Variants in LYSMD3 observed in about 807,000 individuals in gnomAD.
LYSMD3 encodes the protein LysM domain containing 3.
In LYSMD3, 13 loss-of-function variants were observed where a neutral mutation model predicts 26.1. That is an observed-to-expected ratio of 0.50 (90% CI 0.32 to 0.79). The LOEUF (loss-of-function observed/expected upper bound fraction) is 0.79, where lower values mean the gene tolerates loss of function less well. LYSMD3 is among the 30% of genes least tolerant of loss of function. LYSMD3 has a pLI of 0.03. For synonymous variants in LYSMD3, 109 were observed against 119.4 expected (o/e 0.91, Z 0.57); for missense variants, 331 against 362.5 (o/e 0.91, Z 0.71).
Position 90,516,184 on chromosome 5 carries a change from T to C in LYSMD3, c.*2635A>G, listed in dbSNP as rs886416703. 6.7e-6 allele frequency: 1 copy of C among 148,198 alleles called. No homozygotes were observed. The highest frequency in any genetic ancestry group is 2.7e-5 in the African/African-American group (1 of 37,730). 9.2% of individuals were successfully genotyped at this position (148,198 alleles called of 1,614,324 possible). ...TGGAGGAGATAATTTAACATGAGTC[T>C]TCTAATTTTTAATGTGGCCAGCAGA... On this transcript the variant is annotated 3_prime_UTR_variant, in exon 3 of 3. Transcript: ENST00000315948.
At position 90,517,784 on chromosome 5, in the gene LYSMD3, C is replaced by G. The variant is rs1046277294; in HGVS notation, c.*1035G>C. 6.6e-5 allele frequency: 10 copies of G among 152,382 alleles called. No individual in the cohort carries two copies. Among genetic ancestry groups the G allele is most frequent in the Admixed American group, 5.9e-4 (9 of 15,260 alleles). The allele number at this position is 152,382 out of a possible 1,614,324, so 9.4% of individuals were successfully genotyped here. Reference sequence around the variant, plus strand: ...TAATGAACCATTTTCTTCAACAGACCTCAAAGGCAGTTTTGACCCAATTAT... The same window carrying G: ...TAATGAACCATTTTCTTCAACAGACGTCAAAGGCAGTTTTGACCCAATTAT... On this transcript the variant is annotated 3_prime_UTR_variant, in exon 3 of 3. Transcript: ENST00000315948.
intron 1 of LYSMD3, among the ~76,000 whole-genome samples, chr5:90,525,787 G>A (rs898857772): frequency 1.3e-5 from 2 of 152,238 alleles, no homozygotes; most frequent in East Asian, 1.9e-4. Flanking sequence ...TAGAACAAAC[G>A]TATTTGGCAG....
rs1157621449 is a variant in LYSMD3 at position 90,516,312 on chromosome 5, T to C, written c.*2507A>G. 1 of 152,138 alleles carries C rather than the reference T, an allele frequency of 6.6e-6. No individual in the cohort carries two copies. The highest frequency in any genetic ancestry group is 1.5e-5 in the Non-Finnish European group (1 of 67,960). 9.4% of individuals were successfully genotyped at this position (152,138 alleles called of 1,614,324 possible). On this transcript the variant is annotated 3_prime_UTR_variant, in exon 3 of 3. Transcript: ENST00000315948. ...TATTTTAACCGAGACTTCATAAAAC[T>C]ATCAGCTTTTTGTTTACTTGCTAAC...
Position 90,519,349 on chromosome 5 carries a change from G to GTGAA in LYSMD3, c.387_390dup (p.Arg131PhefsTer19). 1 of 1,614,092 alleles carries GTGAA rather than the reference G, an allele frequency of 6.2e-7. No individual in the cohort carries two copies. Among genetic ancestry groups the GTGAA allele is most frequent in the Non-Finnish European group, 8.5e-7 (1 of 1,179,984 alleles). On this transcript the variant is annotated frameshift_variant, in exon 3 of 3. Coordinates refer to ENST00000315948, the MANE Select transcript of LYSMD3 (RefSeq NM_198273.2). LOFTEE classifies it high-confidence loss of function. ...GAAGAGTATTGAACAGATGAATGACGTGAAGTCTGTCTTCCTTTTGGAGGA... is the reference window on the plus strand; with the variant it reads ...GAAGAGTATTGAACAGATGAATGACGTGAATGAAGTCTGTCTTCCTTTTGGAGGA...
At chr5:90,529,222 CCT>C in intron 1 of LYSMD3, 2 of 355,894 alleles carry the variant, frequency 5.6e-6, no homozygotes, top group Non-Finnish European at 1.1e-5. Context: ...AGGTAGGCGT[CCT>C]TCCTCTGAGC....
chr5:90,523,229 A>C (rs1469029121), intron 2 of LYSMD3, among the ~76,000 whole-genome samples: 2 of 152,086 alleles, frequency 1.3e-5, no homozygotes, highest in African/African-American at 4.8e-5. Context: ...GCAAGGTAGG[A>C]GGAAAAAACT....
At chr5:90,519,838 A>G (rs1753045918) in intron 2 of LYSMD3, among the ~76,000 whole-genome samples, 5 of 152,034 alleles carry the variant, frequency 3.3e-5, no homozygotes, top group Admixed American at 2.0e-4. Context: ...GATTATGGGT[A>G]GTTATGTTCT....
At chr5:90,521,846 T>G (rs74979546) in intron 2 of LYSMD3, among the ~76,000 whole-genome samples, 2,856 of 152,254 alleles carry the variant, frequency 0.019, 95 homozygotes, top group African/African-American at 0.066. Flanking sequence ...ACTGACAGAT[T>G]TTTAATAATT....
chr5:90,527,803 T>C (rs2151922778), intron 1 of LYSMD3, among the ~76,000 whole-genome samples: 1 of 152,354 alleles, frequency 6.6e-6, no homozygotes, highest in African/African-American at 2.4e-5. Context: ...CATATACTTA[T>C]CATAAAATGC....
At position 90,516,273 on chromosome 5, in the gene LYSMD3, T is replaced by G. The variant is rs950228330; in HGVS notation, c.*2546A>C. The G allele has an allele frequency of 1.3e-5, 2 of 152,128 alleles. No homozygotes were observed. Among genetic ancestry groups the G allele is most frequent in the African/African-American group, 2.4e-5 (1 of 41,454 alleles). The allele number at this position is 152,128 out of a possible 1,614,324, so 9.4% of individuals were successfully genotyped here. On this transcript the variant is annotated 3_prime_UTR_variant, in exon 3 of 3. Transcript: ENST00000315948. ...ACTCCATAACTTCCTAGGAGTGAGA[T>G]AGCAAAGAAATTTTATTTTAACCGA... is the stretch of plus-strand genomic sequence containing the variant.
At position 90,519,333 on chromosome 5, in the gene LYSMD3, T is replaced by C. The variant is rs773880543; in HGVS notation, c.407A>G (p.Gln136Arg). The C allele has an allele frequency of 1.2e-6, 2 of 1,614,128 alleles. No homozygotes were observed. Among genetic ancestry groups the C allele is most frequent in the South Asian group, 1.1e-5 (1 of 91,082 alleles). The change falls in exon 3 of 3, where the codon CAA (glutamine) becomes CGA (arginine). Residue 136 changes from glutamine (Q) to arginine (R), a missense_variant. Coordinates refer to ENST00000315948, the MANE Select transcript of LYSMD3 (RefSeq NM_198273.2). The stretch of plus-strand genomic sequence containing the variant: ...AATTTCCTGTTGTTCGGAAGAGTAT[T>C]GAACAGATGAATGACGTGAAGTCTG... ...GRQTSRHSSV[Q>R]YSSEQQEILP...
intron 2 of LYSMD3, among the ~76,000 whole-genome samples, chr5:90,520,745 C>A (rs1753070672): frequency 6.6e-6 from 1 of 151,876 alleles, no homozygotes; most frequent in African/African-American, 2.4e-5. Flanking sequence ...CAGGTGAAAC[C>A]CCATCTCTAC....
intron 2 of LYSMD3, chr5:90,520,513 A>T (rs1289318264): frequency 6.6e-6 from 3 of 456,258 alleles, no homozygotes; most frequent in Non-Finnish European, 1.3e-5. Context: ...GCTGACTTGG[A>T]GCTGCTTGAG....
At chr5:90,522,951 T>G (rs964421779) in intron 2 of LYSMD3, among the ~76,000 whole-genome samples, 13 of 152,306 alleles carry the variant, frequency 8.5e-5, no homozygotes, top group African/African-American at 3.1e-4. Flanking sequence ...CTAAGAAAAT[T>G]TTCTAGGTTC....
chr5:90,526,272 C>T (rs1007375648), intron 1 of LYSMD3, among the ~76,000 whole-genome samples: 1 of 152,156 alleles, frequency 6.6e-6, no homozygotes, highest in Non-Finnish European at 1.5e-5. Flanking sequence ...AGCTTTTTAG[C>T]CAACTTAGAG....
chr5:90,525,135 C>G lies in LYSMD3; in HGVS notation c.155G>C (p.Arg52Thr), dbSNP rs1753188757. 6.2e-7 allele frequency: 1 copy of G among 1,613,942 alleles called. No homozygotes were observed. Among genetic ancestry groups the G allele is most frequent in the Admixed American group, 1.7e-5 (1 of 59,988 alleles). ...LRSRGKEKVR[R>T]STSRDRLDDI... ...GTCAAGTCTATCTCTTGATGTACTT[C>G]TTCGGACTTTCTCTTTTCCTCTGGA... Residue 52 changes from arginine to threonine, a missense_variant, in exon 2 of 3, where the codon AGA becomes ACA. By Grantham distance (71) the Arg-to-Thr change is moderately conservative. Coordinates refer to ENST00000315948, the MANE Select transcript of LYSMD3 (RefSeq NM_198273.2).
chr5:90,526,411 A>G (rs1033930814), intron 1 of LYSMD3, among the ~76,000 whole-genome samples: 1 of 152,220 alleles, frequency 6.6e-6, no homozygotes, highest in East Asian at 1.9e-4. Flanking sequence ...ACAGGCATCA[A>G]TGAATACTTT....
intron 2 of LYSMD3, chr5:90,520,317 A>AGTC (rs1409909970): frequency 2.3e-6 from 1 of 442,288 alleles, no homozygotes; most frequent in East Asian, 7.0e-5. Flanking sequence ...ACCATCTATT[A>AGTC]GTCCCATTCA....
Position 90,516,720 on chromosome 5 carries a change from G to GA in LYSMD3, c.*2098dup, listed in dbSNP as rs1401114464. On this transcript the variant is annotated 3_prime_UTR_variant, in exon 3 of 3. Transcript: ENST00000315948. ...AATTCAAATATATAATTTAAATACA[G>GA]AAAAAAGAAAACTACCTGATGTGTT... 1 of 152,028 alleles carries GA rather than the reference G, an allele frequency of 6.6e-6. No homozygotes were observed. The highest frequency in any genetic ancestry group is 2.4e-5 in the African/African-American group (1 of 41,342). The allele number at this position is 152,028 out of a possible 1,614,324, so 9.4% of individuals were successfully genotyped here. A position where few individuals can be genotyped will look rare whatever the true frequency, so the allele number is the denominator to read the frequency against.
Sources: gnomAD v4.1 joint callset for allele counts (sites outside exome capture counted in the v4.1 genomes callset) on GRCh38, gnomAD v4.1.1 for gene constraint, MANE v1.5 for transcripts, NCBI Gene and HGNC (gene_info 2026-07-23, HGNC 2026-07-21) for gene names.